SECISBP2: variants seen among roughly 807,000 people sequenced by gnomAD.
SECISBP2 encodes the protein SECIS binding protein 2, also known as selenocysteine insertion sequence-binding protein 2.
In SECISBP2, 96 loss-of-function variants were observed where a neutral mutation model predicts 98.2. The ratio of observed to expected loss-of-function variants is 0.98; its 90% confidence interval spans 0.83 to 1.16. SECISBP2 has a LOEUF of 1.16. Among genes scored for constraint, SECISBP2 ranks in the 50% most tolerant of loss-of-function variants. The pLI is 0.00. For missense variants in SECISBP2, 1,046 were observed against 1,022.9 expected (o/e 1.02, Z -0.31); for synonymous variants, 407 against 370.2 (o/e 1.10, Z -1.14).
chr9:89,338,368 C>T, intron 7 of SECISBP2, 90 bp from the exon 8 acceptor site: 1 of 1,437,142 alleles, frequency 7.0e-7, no homozygotes. Context: ...GATTATAGGA[C>T]TTGATATCTT....
chr9:89,343,388 G>A (rs1404344118), intron 10 of SECISBP2, among the ~76,000 whole-genome samples: 1 of 151,940 alleles, frequency 6.6e-6, no homozygotes, highest in Non-Finnish European at 1.5e-5. Flanking sequence ...TACACATGCA[G>A]GTTTGTTATA....
downstream of SECISBP2, chr9:89,363,338 C>A (rs1833041827): frequency 1.3e-6 from 2 of 1,557,682 alleles, no homozygotes; most frequent in Admixed American, 1.8e-5. Flanking sequence ...GGGGTCCATG[C>A]TGAATGGGGC....
At chr9:89,334,994 C>G (rs1828389545) in intron 7 of SECISBP2, among the ~76,000 whole-genome samples, 2 of 152,126 alleles carry the variant, frequency 1.3e-5, no homozygotes, top group Admixed American at 1.3e-4. Flanking sequence ...GCGGGCAGAT[C>G]ACGAGGTCAG....
intron 2 of SECISBP2, among the ~76,000 whole-genome samples, chr9:89,321,754 G>A (rs1007222582): frequency 6.6e-6 from 1 of 152,216 alleles, no homozygotes; most frequent in Non-Finnish European, 1.5e-5. Flanking sequence ...AGAAAACAAG[G>A]ATAAGGAAGG....
chr9:89,337,589 C>T (rs941316793), intron 7 of SECISBP2, among the ~76,000 whole-genome samples: 2 of 152,030 alleles, frequency 1.3e-5, no homozygotes, highest in African/African-American at 2.4e-5. Flanking sequence ...TACACATTAC[C>T]CTTCAACCTG....
At position 89,350,705 on chromosome 9, in the gene SECISBP2, C is replaced by T; in HGVS notation, c.1966C>T (p.Gln656Ter). The T allele has an allele frequency of 6.2e-7, 1 of 1,614,174 alleles. No individual in the cohort carries two copies. The highest frequency in any genetic ancestry group is 8.5e-7 in the Non-Finnish European group (1 of 1,180,032). Residue 656 changes from glutamine to a stop codon, truncating the protein, a stop_gained, in exon 14 of 17, where the codon CAA becomes TAA. Coordinates refer to ENST00000375807, the MANE Select transcript of SECISBP2 (RefSeq NM_024077.5). LOFTEE classifies it high-confidence loss of function. ...TDLLKELVRFQDRMYQKDPVK... is the reference protein window; with the variant it reads ...TDLLKELVRF ...CCTACTCAAAGAACTGGTCCGTTTC[C>T]AAGACCGTATGTACCAGAAAGATCC...
At chr9:89,331,808 T>A (rs574306707) in intron 5 of SECISBP2, among the ~76,000 whole-genome samples, 49 of 152,360 alleles carry the variant, frequency 3.2e-4, no homozygotes, top group African/African-American at 1.1e-3. Flanking sequence ...GTAAAGCTTG[T>A]CAGTAGTATG....
At chr9:89,353,912 G>A (rs1320398120) in intron 14 of SECISBP2, among the ~76,000 whole-genome samples, 1 of 152,168 alleles carries the variant, frequency 6.6e-6, no homozygotes, top group Non-Finnish European at 1.5e-5. Context: ...GAGGCATAAG[G>A]GACTTGATTG....
At chr9:89,343,994 A>G (rs1359633891) in intron 10 of SECISBP2, among the ~76,000 whole-genome samples, 1 of 152,126 alleles carries the variant, frequency 6.6e-6, no homozygotes, top group Non-Finnish European at 1.5e-5. Flanking sequence ...CAACCTCGCC[A>G]GCTTCGTTGT....
rs1832507365 is a variant in SECISBP2, at chr9:89,358,824, A to C, written c.2565A>C (p.Ter855CysextTer11). The C allele has an allele frequency of 1.9e-6, 3 of 1,600,994 alleles. No homozygotes were observed. Among genetic ancestry groups the C allele is most frequent in the Non-Finnish European group, 2.6e-6 (3 of 1,168,438 alleles). ...STSQMMNLNL[*>C] ...CTCAAATGATGAATTTGAATTTATGAGAGTTCTTGCCTGTGTGTCTGTATT... is the reference window on the plus strand; with the variant it reads ...CTCAAATGATGAATTTGAATTTATGCGAGTTCTTGCCTGTGTGTCTGTATT... The change falls in exon 17 of 17, where the codon TGA (stop) becomes TGC (cysteine). Residue 855 changes from the stop codon to cysteine, a stop_lost. Transcript: ENST00000375807.
chr9:89,357,903 C>T, intron 15 of SECISBP2, 96 bp from the exon 16 acceptor site: 1 of 1,316,320 alleles, frequency 7.6e-7, no homozygotes. Context: ...CCCCATGTCA[C>T]CCCTGCTTCT....
chr9:89,356,056 C>T (rs978363741), intron 14 of SECISBP2, among the ~76,000 whole-genome samples: 5 of 152,326 alleles, frequency 3.3e-5, no homozygotes, highest in African/African-American at 1.2e-4. Flanking sequence ...GCGTCCCCAA[C>T]CCCTGGGCTG....
intron 6 of SECISBP2, chr9:89,334,133 T>G: frequency 1.7e-6 from 2 of 1,144,548 alleles, no homozygotes; most frequent in Non-Finnish European, 1.1e-6. Flanking sequence ...CTTTGACTTC[T>G]GATGTTAAAG....
chr9:89,357,113 TC>T (rs1005558553), intron 14 of SECISBP2: 24 of 427,560 alleles, frequency 5.6e-5, no homozygotes, highest in Non-Finnish European at 1.0e-4. Context: ...ACAGCATCTG[TC>T]TGCCTTTTGG....
downstream of SECISBP2, chr9:89,364,027 G>C (rs372683106): frequency 1.9e-6 from 3 of 1,612,110 alleles, no homozygotes; most frequent in Non-Finnish European, 2.5e-6. Flanking sequence ...GTGCAGGGGG[G>C]TTACCTCTGC....
chr9:89,325,519 A>G lies in SECISBP2; in HGVS notation c.275A>G (p.Tyr92Cys). ...GAGATAACTCTTCATCCATATGCCTATTCTCCTTATACCCTTGACTCCACA... is the reference window on the plus strand; with the variant it reads ...GAGATAACTCTTCATCCATATGCCTGTTCTCCTTATACCCTTGACTCCACA... Reference protein sequence around the residue: ...SSEITLHPYAYSPYTLDSTQN... With the variant: ...SSEITLHPYACSPYTLDSTQN... Residue 92 changes from tyrosine to cysteine, a missense_variant, in exon 3 of 17, where the codon TAT becomes TGT. Coordinates refer to ENST00000375807, the MANE Select transcript of SECISBP2 (RefSeq NM_024077.5). 1 of 1,613,884 alleles carries G rather than the reference A, an allele frequency of 6.2e-7. No homozygotes were observed. Among genetic ancestry groups the G allele is most frequent in the Non-Finnish European group, 8.5e-7 (1 of 1,179,962 alleles).
At chr9:89,336,236 G>A (rs7046912) in intron 7 of SECISBP2, among the ~76,000 whole-genome samples, 52,205 of 151,168 alleles carry the variant, frequency 0.35, 9,320 homozygotes, top group Admixed American at 0.44. Flanking sequence ...GGGTTTTGCC[G>A]TGTTTCCCAG....
chr9:89,358,808 T>G lies in SECISBP2; in HGVS notation c.2549T>G (p.Met850Arg), dbSNP rs1564461644. The G allele has an allele frequency of 6.2e-7, 1 of 1,607,868 alleles. No individual in the cohort carries two copies. ...ESLEASTSQM[M>R]NLNL ...TTGGAGGCTTCAACCTCTCAAATGA[T>G]GAATTTGAATTTATGAGAGTTCTTG... Residue 850 changes from methionine (M) to arginine (R), a missense_variant, in exon 17 of 17, where the codon ATG (methionine) becomes AGG (arginine). Coordinates refer to ENST00000375807, the MANE Select transcript of SECISBP2 (RefSeq NM_024077.5).
chr9:89,343,289 T>C (rs1829926995), intron 10 of SECISBP2, among the ~76,000 whole-genome samples: 1 of 152,226 alleles, frequency 6.6e-6, no homozygotes, highest in African/African-American at 2.4e-5. Context: ...TTTCTTCCTT[T>C]TGAAGTAGTT....
Sources: gnomAD v4.1 joint callset for allele counts (sites outside exome capture counted in the v4.1 genomes callset) on GRCh38, gnomAD v4.1.1 for gene constraint, MANE v1.5 for transcripts, NCBI Gene and HGNC (gene_info 2026-07-23, HGNC 2026-07-21) for gene names.